The following WDHD1 variants were observed in gnomAD, a reference collection of about 807,000 sequenced individuals.
WDHD1 encodes WD repeat and HMG-box DNA-binding protein 1.
Under a neutral mutation model 135.4 loss-of-function variants are expected in WDHD1, and 111 were observed. The ratio of observed to expected loss-of-function variants is 0.82; its 90% CI spans 0.70 to 0.96. The LOEUF (loss-of-function observed/expected upper bound fraction) is 0.96, where lower values mean the gene tolerates loss of function less well. WDHD1 is among the 40% of genes least tolerant of loss of function. The pLI is 0.00. For synonymous variants in WDHD1, 434 were observed against 439.0 expected, an observed-to-expected ratio of 0.99 and a Z score of 0.14; for missense variants, 1,351 against 1,336.3, an observed-to-expected ratio of 1.01 and a Z score of -0.17.
intron 24 of WDHD1, among the ~76,000 whole-genome samples, chr14:54,945,184 C>T (rs1352112004): frequency 6.6e-6 from 1 of 152,180 alleles, no homozygotes. Context: ...TTGCCATCGC[C>T]TCACCCTTGC....
chr14:54,954,833 G>A (rs1240975851), intron 24 of WDHD1, among the ~76,000 whole-genome samples: 1 of 152,142 alleles, frequency 6.6e-6, no homozygotes, highest in African/African-American at 2.4e-5. Context: ...GGGTTCAAGT[G>A]ATTCTCCTGC....
At position 55,000,641 on chromosome 14, in the gene WDHD1, C is replaced by A; in HGVS notation, c.804G>T (p.Val268=). Residue 268 remains valine (V), a synonymous_variant, in exon 10 of 26, where the codon GTG becomes GTT. Coordinates refer to ENST00000360586, the MANE Select transcript of WDHD1 (RefSeq NM_007086.4). ...AAATTGCATAACCTTTCTCATGTTTCACCCTAAAAATTAAAAAGTAGGTTC... is the reference window on the plus strand; with the variant it reads ...AAATTGCATAACCTTTCTCATGTTTAACCCTAAAAATTAAAAAGTAGGTTC... The part of the protein sequence containing the change: ...NVETKDCMER[V]KHEKGYAICG... 1 of 1,544,446 alleles carries A rather than the reference C, an allele frequency of 6.5e-7. No individual in the cohort carries two copies. The highest frequency in any genetic ancestry group is 1.9e-5 in the Admixed American group (1 of 52,276).
intron 16 of WDHD1, among the ~76,000 whole-genome samples, chr14:54,979,887 C>A (rs1222609460): frequency 6.6e-6 from 1 of 152,192 alleles, no homozygotes; most frequent in Non-Finnish European, 1.5e-5. Flanking sequence ...CACTTTTACA[C>A]AAATGGTATT....
chr14:54,979,320 TAA>T (rs563782325), intron 16 of WDHD1, among the ~76,000 whole-genome samples: 5 of 152,110 alleles, frequency 3.3e-5, no homozygotes, highest in Non-Finnish European at 7.4e-5. Flanking sequence ...CCTGGGTAAT[TAA>T]AAAAATTTTT....
Position 54,963,184 on chromosome 14 carries a change from AGGGGGGG to A in WDHD1, c.2311-19_2311-13del. The A allele has an allele frequency of 4.0e-5, 7 of 174,888 alleles. No homozygotes were observed. Among genetic ancestry groups the A allele is most frequent in the Non-Finnish European group, 6.9e-5 (6 of 86,446 alleles). 10.8% of individuals were successfully genotyped at this position (174,888 alleles called of 1,614,324 possible). Reference sequence around the variant, plus strand: ...AGTTTACAAGAAAGCTAATCCAAAAAGGGGGGGGGGGGGGAGATCAAATAACATCAAG... The same window carrying A: ...AGTTTACAAGAAAGCTAATCCAAAAAGGGGGGGAGATCAAATAACATCAAG... On this transcript the variant is annotated splice_polypyrimidine_tract_variant and intron_variant, in intron 18 of 25. Coordinates refer to ENST00000360586, the MANE Select transcript of WDHD1 (RefSeq NM_007086.4).
At chr14:54,990,487 T>C (rs201351516) in intron 12 of WDHD1, among the ~76,000 whole-genome samples, 1 of 151,432 alleles carries the variant, frequency 6.6e-6, no homozygotes, top group East Asian at 1.9e-4. Flanking sequence ...TCCCAGCTAC[T>C]CGGGAGGCTG....
intron 16 of WDHD1, among the ~76,000 whole-genome samples, chr14:54,980,089 C>G (rs532755360): frequency 6.6e-6 from 1 of 152,090 alleles, no homozygotes; most frequent in East Asian, 1.9e-4. Context: ...CTTTGGGAGG[C>G]CGAGGCGGGA....
At chr14:54,946,083 G>T (rs1273434248) in intron 24 of WDHD1, among the ~76,000 whole-genome samples, 1 of 152,070 alleles carries the variant, frequency 6.6e-6, no homozygotes, top group Non-Finnish European at 1.5e-5. Context: ...TATAACAAAG[G>T]TTCCTGAATT....
intron 9 of WDHD1, 67 bp from the exon 10 acceptor site, chr14:55,000,711 T>C: frequency 7.6e-7 from 1 of 1,308,090 alleles, no homozygotes; most frequent in Non-Finnish European, 9.9e-7. Flanking sequence ...TTTCTTTAGG[T>C]AAATTTTAGT....
At chr14:54,976,273 C>A (rs2041522930) in intron 16 of WDHD1, among the ~76,000 whole-genome samples, 1 of 152,120 alleles carries the variant, frequency 6.6e-6, no homozygotes, top group Non-Finnish European at 1.5e-5. Flanking sequence ...CTCCTTCTGT[C>A]ACGCAGGTTG....
Position 55,000,617 on chromosome 14 carries a change from A to G in WDHD1, c.828T>C (p.Ile276=). The part of the protein sequence containing the change: ...ERVKHEKGYA[I]CGLAWHPTCG... ...AAGTAGGATGCCATGCCAGACCACA[A>G]ATTGCATAACCTTTCTCATGTTTCA... is the stretch of plus-strand genomic sequence containing the variant. The change falls in exon 10 of 26, where the codon ATT becomes ATC. Residue 276 remains isoleucine, a synonymous_variant. Transcript: ENST00000360586. 1 of 1,599,490 alleles carries G rather than the reference A, an allele frequency of 6.3e-7. No individual in the cohort carries two copies. The highest frequency in any genetic ancestry group is 1.1e-5 in the South Asian group (1 of 88,396).
rs546610641 is a variant in WDHD1 at position 54,963,753 on chromosome 14, T to C, written c.2311-581A>G. On this transcript the variant is annotated intron_variant, in intron 18 of 25. Coordinates refer to ENST00000360586, the MANE Select transcript of WDHD1 (RefSeq NM_007086.4). ...AGGTGGAGGTTGCAGTGAGCCAAGA[T>C]TGCACCACTGCACTCCAGCCTGGGC... Among the ~76,000 whole-genome samples, 17 of 144,134 alleles carry C rather than the reference T, an allele frequency of 1.2e-4. 1 individual carries two copies. The highest frequency in any genetic ancestry group is 1.1e-3 in the South Asian group (5 of 4,630). 94.6% of individuals were successfully genotyped at this position (144,134 alleles called of 152,430 possible).
intron 2 of WDHD1, 37 bp from the exon 3 acceptor site, chr14:55,013,633 T>G: frequency 6.6e-7 from 1 of 1,507,726 alleles, no homozygotes; most frequent in Non-Finnish European, 9.2e-7. Flanking sequence ...TCATCGGGCA[T>G]GGTGTCTCAT....
At chr14:55,012,443 C>A (rs1226205840) in intron 3 of WDHD1, among the ~76,000 whole-genome samples, 1 of 152,204 alleles carries the variant, frequency 6.6e-6, no homozygotes, top group Non-Finnish European at 1.5e-5. Context: ...AAGTAACCTA[C>A]ATCTCATTCC....
chr14:55,000,371 T>C, intron 10 of WDHD1, 132 bp downstream of exon 10: 1 of 930,514 alleles, frequency 1.1e-6, no homozygotes, highest in East Asian at 3.1e-5. Flanking sequence ...TTACTATAGA[T>C]TACTACTCAG....
At chr14:55,001,137 C>A in intron 8 of WDHD1, 145 bp from the exon 9 acceptor site, 9 of 414,830 alleles carry the variant, frequency 2.2e-5, no homozygotes, top group Non-Finnish European at 3.0e-5. Flanking sequence ...TATCCCTGTT[C>A]TATATTATTT....
chr14:55,016,468 G>T (rs1293454206), intron 2 of WDHD1, among the ~76,000 whole-genome samples: 1 of 152,174 alleles, frequency 6.6e-6, no homozygotes, highest in Non-Finnish European at 1.5e-5. Context: ...AATTAGAAGA[G>T]AAAGAAGTCC....
intron 21 of WDHD1, 131 bp from the exon 22 acceptor site, chr14:54,957,766 T>G: frequency 1.4e-6 from 1 of 690,748 alleles, no homozygotes; most frequent in Non-Finnish European, 2.4e-6. Context: ...TTCAAAACTA[T>G]TAACAACAGA....
chr14:55,018,704 A>G (rs2042297645), intron 2 of WDHD1, among the ~76,000 whole-genome samples: 1 of 152,248 alleles, frequency 6.6e-6, no homozygotes, highest in African/African-American at 2.4e-5. Context: ...CCCAGCTAGT[A>G]GAATTTGCTC....
Sources: allele counts gnomAD v4.1 joint callset (sites outside exome capture counted in the v4.1 genomes callset), GRCh38; gene constraint gnomAD v4.1.1; transcripts MANE v1.5; gene names NCBI Gene and HGNC (gene_info 2026-07-23, HGNC 2026-07-21).